TBC1D5: variants seen among roughly 807,000 people sequenced by gnomAD.
TBC1D5 encodes TBC1 domain family, member 5.
A neutral mutation model predicts 100.3 loss-of-function variants in TBC1D5; 75 were observed. That is an observed-to-expected ratio of 0.75 (90% CI 0.62 to 0.91). TBC1D5 has a LOEUF of 0.91. Ranked by LOEUF, TBC1D5 falls within the 40% of genes least tolerant of loss-of-function variation. The pLI, the probability that TBC1D5 is intolerant of heterozygous loss-of-function variation, is 0.00. For missense variants in TBC1D5, 910 were observed against 942.4 expected, an observed-to-expected ratio of 0.97 and a Z score of 0.45; for synonymous variants, 323 against 325.6, an observed-to-expected ratio of 0.99 and a Z score of 0.09.
Position 17,301,105 on chromosome 3 carries a change from T to A in TBC1D5, c.1138+6887A>T, listed in dbSNP as rs116065081. ...AAAAAAGGAAAATCTATAAATAAAT[T>A]TATAGTGTTTTAGCTATTAATGCAA... On this transcript the variant is annotated intron_variant, in intron 14 of 21. Coordinates refer to ENST00000253692, the Ensembl canonical transcript of TBC1D5. 2.3e-3 allele frequency among the ~76,000 whole-genome samples: 343 copies of A among 151,830 alleles called. 1 individual carries two copies. The highest frequency in any genetic ancestry group is 7.7e-3 in the African/African-American group (318 of 41,382).
chr3:17,321,132 A>G (rs2085351387), intron 13 of TBC1D5, among the ~76,000 whole-genome samples: 1 of 152,222 alleles, frequency 6.6e-6, no homozygotes, highest in African/African-American at 2.4e-5. Context: ...CAGTGGCCCA[A>G]TCATAGCTCA....
At chr3:17,348,367 G>A (rs752642607) in intron 13 of TBC1D5, among the ~76,000 whole-genome samples, 22 of 152,072 alleles carry the variant, frequency 1.4e-4, no homozygotes, top group Non-Finnish European at 2.6e-4. Flanking sequence ...CAAATCTCCT[G>A]GGCATCTTGG....
intron 16 of TBC1D5, among the ~76,000 whole-genome samples, chr3:17,253,901 T>C (rs2077392996): frequency 6.6e-6 from 1 of 152,220 alleles, no homozygotes; most frequent in Non-Finnish European, 1.5e-5. Context: ...GAGAGGAATG[T>C]GAAATTCATG....
intron 2 of TBC1D5, chr3:17,575,117 GA>G (rs2096649732): frequency 6.6e-6 from 1 of 152,098 alleles, no homozygotes; most frequent in African/African-American, 2.4e-5. Flanking sequence ...TTGAGCCCAG[GA>G]GATCTGAGAC....
At chr3:17,231,909 G>A (rs2075453978) in intron 17 of TBC1D5, among the ~76,000 whole-genome samples, 1 of 151,772 alleles carries the variant, frequency 6.6e-6, no homozygotes, top group South Asian at 2.1e-4. Context: ...TTCTGAATAG[G>A]GTATCTAGTA....
intron 15 of TBC1D5, among the ~76,000 whole-genome samples, chr3:17,287,635 G>A (rs1001366782): frequency 6.6e-6 from 1 of 152,218 alleles, no homozygotes; most frequent in African/African-American, 2.4e-5. Flanking sequence ...ATTAATGTCA[G>A]AGTGCTTGGA....
chr3:17,667,432 T>G (rs905692328), intron 1 of TBC1D5, among the ~76,000 whole-genome samples: 4 of 152,156 alleles, frequency 2.6e-5, no homozygotes, highest in African/African-American at 9.6e-5. Context: ...AAGGTAGGAT[T>G]GAAGAATCCA....
At chr3:17,569,277 A>G (rs2096612060) in intron 2 of TBC1D5, among the ~76,000 whole-genome samples, 1 of 151,836 alleles carries the variant, frequency 6.6e-6, no homozygotes, top group African/African-American at 2.4e-5. Context: ...CTAATATTAA[A>G]TCAGTCGACT....
At chr3:17,281,561 T>C (rs965973942) in intron 15 of TBC1D5, among the ~76,000 whole-genome samples, 4 of 152,206 alleles carry the variant, frequency 2.6e-5, no homozygotes, top group Non-Finnish European at 4.4e-5. Flanking sequence ...AGAGAAAATC[T>C]TGCAGTATGA....
intron 1 of TBC1D5, among the ~76,000 whole-genome samples, chr3:17,718,092 G>A (rs897931364): frequency 6.6e-6 from 1 of 152,162 alleles, no homozygotes; most frequent in Non-Finnish European, 1.5e-5. Context: ...CACATTTGGA[G>A]AGCTAGCCCC....
chr3:17,619,887 G>A (rs910796686), intron 2 of TBC1D5, among the ~76,000 whole-genome samples: 1 of 152,202 alleles, frequency 6.6e-6, no homozygotes. Context: ...CCTATGGAAA[G>A]TTGCTCTTAT....
rs554020943 is a variant in TBC1D5, at chr3:17,369,523, G to A, written c.995+2552C>T. On this transcript the variant is annotated intron_variant, in intron 13 of 21. Coordinates refer to ENST00000253692, the Ensembl canonical transcript of TBC1D5. ...TTCAGAGCCTATGCTTCTATCTACC[G>A]TTATTATTAGAGATGGGGGTCTTGC... Among the ~76,000 whole-genome samples, 110 of 152,130 alleles carry A rather than the reference G, an allele frequency of 7.2e-4. 1 individual carries two copies. The South Asian group carries it at 0.017, about 24-fold the overall frequency.
chr3:17,572,811 T>C (rs1196447885), intron 2 of TBC1D5, among the ~76,000 whole-genome samples: 1 of 152,028 alleles, frequency 6.6e-6, no homozygotes, highest in Admixed American at 6.6e-5. Flanking sequence ...CCTTCCTTCA[T>C]CTCTTGGACA....
exon 15 of TBC1D5, chr3:17,291,913 C>A (rs374517651): frequency 7.4e-6 from 12 of 1,613,724 alleles, no homozygotes; most frequent in Non-Finnish European, 9.3e-6. Context: ...CTCTAAGGAA[C>A]AGAGCCTTAA....
chr3:17,292,033 A>G (rs1225063333), intron 14 of TBC1D5, 32 bp from the exon 15 acceptor site: 2 of 1,555,482 alleles, frequency 1.3e-6, no homozygotes, highest in East Asian at 2.3e-5. Context: ...TTCAGATGCA[A>G]TACTATTTAA....
At chr3:17,216,569 T>C (rs2073660380) in intron 17 of TBC1D5, among the ~76,000 whole-genome samples, 1 of 151,934 alleles carries the variant, frequency 6.6e-6, no homozygotes, top group African/African-American at 2.4e-5. Flanking sequence ...TAGGAAAGAG[T>C]AGAGAACAGG....
At chr3:17,544,865 G>C (rs775846367) in intron 2 of TBC1D5, among the ~76,000 whole-genome samples, 11 of 152,058 alleles carry the variant, frequency 7.2e-5, no homozygotes, top group Admixed American at 6.6e-4. Flanking sequence ...AATATGTTTA[G>C]ATACAGTAAA....
At chr3:17,530,869 C>T (rs2096212824) in intron 2 of TBC1D5, among the ~76,000 whole-genome samples, 1 of 152,194 alleles carries the variant, frequency 6.6e-6, no homozygotes, top group South Asian at 2.1e-4. Flanking sequence ...AAACCCACAG[C>T]CAATATCATA....
chr3:17,440,148 C>T (rs568956997), intron 3 of TBC1D5, among the ~76,000 whole-genome samples: 1 of 152,118 alleles, frequency 6.6e-6, no homozygotes, highest in East Asian at 1.9e-4. Flanking sequence ...CAAAGCAATG[C>T]ACAATGACAA....
Sources: allele counts gnomAD v4.1 joint callset (sites outside exome capture counted in the v4.1 genomes callset), GRCh38; gene constraint gnomAD v4.1.1; transcripts MANE v1.5; gene names NCBI Gene and HGNC (gene_info 2026-07-23, HGNC 2026-07-21).